The following CCDC102B variants were observed in gnomAD, a reference collection of about 807,000 sequenced individuals.
CCDC102B encodes the protein coiled-coil domain containing 102B.
In CCDC102B, 75 loss-of-function variants were observed where a neutral mutation model predicts 57.4. That is an observed-to-expected ratio of 1.31 (90% CI 1.08 to 1.58). CCDC102B has a LOEUF of 1.58. Ranked by LOEUF, CCDC102B falls within the 40% of genes most tolerant of loss-of-function variation. The pLI is 0.00. For missense variants in CCDC102B, 636 were observed against 582.6 expected (o/e 1.09, Z -0.94); for synonymous variants, 206 against 201.9 (o/e 1.02, Z -0.17).
At chr18:68,870,222 G>A (rs977419801) in intron 4 of CCDC102B, among the ~76,000 whole-genome samples, 1 of 152,066 alleles carries the variant, frequency 6.6e-6, no homozygotes. Context: ...AGGGGAGTGA[G>A]AGCATTAGGA....
intron 2 of CCDC102B, among the ~76,000 whole-genome samples, chr18:68,783,979 T>A (rs532508274): frequency 3.3e-5 from 5 of 152,346 alleles, no homozygotes; most frequent in East Asian, 1.9e-4. Context: ...GTATAACAAT[T>A]CTAATAGTGC....
chr18:68,803,731 T>C (rs2035934751), intron 1 of CCDC102B, among the ~76,000 whole-genome samples: 1 of 152,128 alleles, frequency 6.6e-6, no homozygotes, highest in Non-Finnish European at 1.5e-5. Flanking sequence ...TTACTTTCAA[T>C]GGGAAAAATC....
chr18:68,912,123 C>T (rs1382438548), intron 6 of CCDC102B, among the ~76,000 whole-genome samples: 1 of 152,056 alleles, frequency 6.6e-6, no homozygotes, highest in East Asian at 1.9e-4. Flanking sequence ...CATCTGGCTA[C>T]TTGATGAAGG....
At chr18:68,900,890 C>T (rs2040427344) in intron 6 of CCDC102B, among the ~76,000 whole-genome samples, 2 of 152,072 alleles carry the variant, frequency 1.3e-5, no homozygotes, top group Admixed American at 1.3e-4. Flanking sequence ...CCAAAATGAA[C>T]GTGCTTAATG....
intron 1 of CCDC102B, among the ~76,000 whole-genome samples, chr18:68,822,687 C>T (rs1017123536): frequency 1.3e-5 from 2 of 152,158 alleles, no homozygotes; most frequent in Non-Finnish European, 2.9e-5. Flanking sequence ...TCCATGCATA[C>T]TCAATGTTTA....
intron 5 of CCDC102B, among the ~76,000 whole-genome samples, chr18:68,880,746 T>C (rs1017239019): frequency 3.3e-5 from 5 of 152,224 alleles, no homozygotes; most frequent in African/African-American, 1.2e-4. Context: ...CAGTGGAAAA[T>C]GTTGTTAAAT....
chr18:68,938,303 T>A (rs1477228348), intron 6 of CCDC102B, among the ~76,000 whole-genome samples: 1 of 152,076 alleles, frequency 6.6e-6, no homozygotes, highest in Non-Finnish European at 1.5e-5. Context: ...ATATTCAAAG[T>A]GTATTTTATA....
At chr18:68,726,013 G>T (rs887536637) in intron 2 of CCDC102B, among the ~76,000 whole-genome samples, 6 of 152,176 alleles carry the variant, frequency 3.9e-5, no homozygotes, top group Non-Finnish European at 8.8e-5. Flanking sequence ...CGTTGCCTCG[G>T]TCTGCTAATG....
chr18:68,857,896 C>G (rs1471918605), intron 4 of CCDC102B, among the ~76,000 whole-genome samples: 1 of 152,108 alleles, frequency 6.6e-6, no homozygotes, highest in Non-Finnish European at 1.5e-5. Flanking sequence ...GTGCATGTAT[C>G]GTTACACTCT....
chr18:68,716,174 T>A (rs2031971332), intron 1 of CCDC102B, among the ~76,000 whole-genome samples: 1 of 152,068 alleles, frequency 6.6e-6, no homozygotes, highest in African/African-American at 2.4e-5. Context: ...GTTGAAATGA[T>A]GGGAATGTTC....
intron 2 of CCDC102B, among the ~76,000 whole-genome samples, chr18:68,758,348 A>G (rs1599417899): frequency 2.0e-5 from 3 of 152,064 alleles, no homozygotes; most frequent in Admixed American, 2.0e-4. Flanking sequence ...AACAAATCAA[A>G]TATGATCTTA....
intron 2 of CCDC102B, among the ~76,000 whole-genome samples, chr18:68,769,522 G>A (rs918397088): frequency 1.3e-5 from 2 of 151,928 alleles, no homozygotes; most frequent in Non-Finnish European, 2.9e-5. Flanking sequence ...CCAACCCTAC[G>A]GTTCCTCCTG....
intron 1 of CCDC102B, among the ~76,000 whole-genome samples, chr18:68,818,059 C>A (rs1267902892): frequency 6.6e-6 from 1 of 152,144 alleles, no homozygotes; most frequent in East Asian, 1.9e-4. Flanking sequence ...CATTCAAAAT[C>A]TCCATATTAA....
upstream of CCDC102B, among the ~76,000 whole-genome samples, chr18:68,795,020 G>A (rs1479053146): frequency 1.8e-4 from 11 of 59,542 alleles, no homozygotes; most frequent in Non-Finnish European, 2.6e-4. Flanking sequence ...TTGTAAACTC[G>A]CCAGTAAAAA....
At position 68,915,782 on chromosome 18, in the gene CCDC102B, C is replaced by T. The variant is rs904528547; in HGVS notation, c.1263+18354C>T. 2.6e-5 allele frequency among the ~76,000 whole-genome samples: 4 copies of T among 152,246 alleles called. No homozygotes were observed. In the South Asian group the frequency reaches 8.3e-4, roughly 32 times the overall value. On this transcript the variant is annotated intron_variant, in intron 6 of 7. Coordinates refer to ENST00000360242, the MANE Select transcript of CCDC102B (RefSeq NM_024781.3). ...CCACTTTTTGCTTATTAGCATGTAACCCATTTTAAGGAAAAAATCAATTTC... is the reference window on the plus strand; with the variant it reads ...CCACTTTTTGCTTATTAGCATGTAATCCATTTTAAGGAAAAAATCAATTTC...
chr18:68,722,498 A>G (rs1459580862), intron 2 of CCDC102B, among the ~76,000 whole-genome samples: 4 of 152,226 alleles, frequency 2.6e-5, no homozygotes, highest in African/African-American at 9.6e-5. Context: ...GATGTGAAAG[A>G]GACAGCTTTG....
Position 69,004,383 on chromosome 18 carries a change from C to T in CCDC102B, c.1264-6551C>T, listed in dbSNP as rs140002654. On this transcript the variant is annotated intron_variant, in intron 6 of 7. Coordinates refer to ENST00000360242, the MANE Select transcript of CCDC102B (RefSeq NM_024781.3). ...AGCTGGAATGGACCTTTGGACCTGT[C>T]CCAAGTTGGGCTAGGAACAAGTCCT... is the stretch of plus-strand genomic sequence containing the variant. Among the ~76,000 whole-genome samples the T allele has an allele frequency of 4.0e-3, 614 of 152,230 alleles. 2 individuals carry two copies. Among genetic ancestry groups the T allele is most frequent in the Non-Finnish European group, 6.4e-3 (435 of 68,018 alleles).
At chr18:69,056,639 A>AGATAGCTAGATG (rs1568155351), downstream of CCDC102B, among the ~76,000 whole-genome samples, 1 of 129,944 alleles carries the variant, frequency 7.7e-6, no homozygotes, top group Non-Finnish European at 1.6e-5. Flanking sequence ...GATAGATAAT[A>AGATAGCTAGATG]GATAGATAGA....
At position 69,003,765 on chromosome 18, in the gene CCDC102B, G is replaced by A. The variant is rs182488867; in HGVS notation, c.1264-7169G>A. On this transcript the variant is annotated intron_variant, in intron 6 of 7. Transcript: ENST00000360242. ...TTTTATATGTGCTTTTACAGATGGG[G>A]AAAGTAGAACTTAGAAATAAGATAA... 5.7e-3 allele frequency among the ~76,000 whole-genome samples: 867 copies of A among 152,306 alleles called. 7 individuals are homozygous for A. Among genetic ancestry groups the A allele is most frequent in the Non-Finnish European group, 0.01 (710 of 68,018 alleles).
Sources: gnomAD v4.1 joint callset for allele counts (sites outside exome capture counted in the v4.1 genomes callset) on GRCh38, gnomAD v4.1.1 for gene constraint, MANE v1.5 for transcripts, NCBI Gene and HGNC (gene_info 2026-07-23, HGNC 2026-07-21) for gene names.